The following PCNX2 variants were observed in gnomAD, a reference collection of about 807,000 sequenced individuals.
The protein encoded by PCNX2 is pecanex-like protein 2.
A neutral mutation model predicts 223.8 loss-of-function variants in PCNX2; 168 were observed. That is an observed-to-expected ratio of 0.75 (90% confidence interval 0.66 to 0.85). PCNX2 has a LOEUF of 0.85. Ranked by LOEUF, PCNX2 falls within the 40% of genes least tolerant of loss-of-function variation. The pLI, the probability that PCNX2 is intolerant of heterozygous loss-of-function variation, is 0.00. For missense variants in PCNX2, 2,507 were observed against 2,675.5 expected (o/e 0.94, Z 1.39); for synonymous variants, 1,006 against 1,052.6 (o/e 0.96, Z 0.86).
At chr1:233,121,947 C>T (rs1451641236) in intron 21 of PCNX2, among the ~76,000 whole-genome samples, 2 of 151,908 alleles carry the variant, frequency 1.3e-5, no homozygotes, top group Non-Finnish European at 2.9e-5. Flanking sequence ...CATCTAGTAC[C>T]CAGATCAAAC....
At chr1:233,293,262 T>C (rs1661874770) in intron 1 of PCNX2, among the ~76,000 whole-genome samples, 1 of 152,168 alleles carries the variant, frequency 6.6e-6, no homozygotes, top group Admixed American at 6.5e-5. Flanking sequence ...AGGTGGAAAA[T>C]ATATTGCTTT....
At position 233,119,584 on chromosome 1, in the gene PCNX2, C is replaced by CA. The variant is rs1300600439; in HGVS notation, c.3837+15428dup. Among the ~76,000 whole-genome samples the CA allele has an allele frequency of 7.9e-3, 506 of 63,762 alleles. 3 individuals are homozygous for CA. Among genetic ancestry groups the CA allele is most frequent in the Middle Eastern group, 0.016 (2 of 128 alleles). 41.8% of individuals were successfully genotyped at this position (63,762 alleles called of 152,430 possible). On this transcript the variant is annotated intron_variant, in intron 21 of 33. Coordinates refer to ENST00000258229, the MANE Select transcript of PCNX2 (RefSeq NM_014801.4). ...TGGGTGACAGAACGAGACCTTGTCT[C>CA]AAAAAAAAAAAAACAAAAACAAAAA...
At chr1:233,295,961 T>C, upstream of PCNX2, among the ~76,000 whole-genome samples, 1 of 148,280 alleles carries the variant, frequency 6.7e-6, no homozygotes. The surrounding 1 kb of genome is among the most constrained non-coding windows in gnomAD (Gnocchi z 4.1). Flanking sequence ...TTTCTCTCTC[T>C]CTCTCTCTTT....
At chr1:233,142,775 T>TA (rs2102783164) in intron 19 of PCNX2, among the ~76,000 whole-genome samples, 1 of 152,252 alleles carries the variant, frequency 6.6e-6, no homozygotes, top group East Asian at 1.9e-4. Context: ...CAGTCTCTCT[T>TA]ACTGGACTTT....
chr1:233,249,744 G>A (rs1353420602), intron 8 of PCNX2, among the ~76,000 whole-genome samples: 4 of 152,164 alleles, frequency 2.6e-5, no homozygotes, highest in East Asian at 3.8e-4. Context: ...CATCACCTAC[G>A]GTTCCCATCA....
intron 1 of PCNX2, among the ~76,000 whole-genome samples, chr1:233,294,488 T>C (rs761103314): frequency 3.3e-5 from 5 of 152,122 alleles, no homozygotes; most frequent in African/African-American, 7.2e-5. Context: ...TCATGCAAAC[T>C]CATTGACGAT....
At chr1:233,323,873 T>G in the PCNX2 span, among the ~76,000 whole-genome samples, 263 of 152,366 alleles carry the variant, frequency 1.7e-3, 1 homozygote, top group African/African-American at 5.7e-3. Context: ...TAGAAATGAT[T>G]AAGCTTAGTG....
At chr1:233,104,412 C>CA (rs1674652169) in intron 21 of PCNX2, among the ~76,000 whole-genome samples, 1 of 151,862 alleles carries the variant, frequency 6.6e-6, no homozygotes, top group Non-Finnish European at 1.5e-5. Flanking sequence ...GGCTTTTACT[C>CA]AAAATAGAAT....
chr1:233,318,551 CTTTTTCTTTTTCT>C, the PCNX2 span, among the ~76,000 whole-genome samples: 2 of 116,628 alleles, frequency 1.7e-5, no homozygotes, highest in Admixed American at 1.0e-4. Context: ...CCATCTTTTT[CTTTTTCTTTTTCT>C]TTTTTTTTTT....
chr1:233,099,176 T>C (rs560469990), intron 21 of PCNX2, among the ~76,000 whole-genome samples: 4 of 152,298 alleles, frequency 2.6e-5, no homozygotes, highest in Non-Finnish European at 2.9e-5. Context: ...TCACCCAACT[T>C]TACCATGCCT....
intron 25 of PCNX2, among the ~76,000 whole-genome samples, chr1:233,049,587 A>G (rs1193302243): frequency 6.6e-6 from 1 of 152,194 alleles, no homozygotes; most frequent in Non-Finnish European, 1.5e-5. Flanking sequence ...CCTATTCAAC[A>G]TAGTACTGGA....
At position 233,287,542 on chromosome 1, in the gene PCNX2, C is replaced by T. The variant is rs566342951; in HGVS notation, c.153+7784G>A. 6.6e-4 allele frequency among the ~76,000 whole-genome samples: 101 copies of T among 152,302 alleles called. 1 individual carries two copies. Among genetic ancestry groups the T allele is most frequent in the African/African-American group, 2.2e-3 (93 of 41,556 alleles). On this transcript the variant is annotated intron_variant, in intron 1 of 33. Transcript: ENST00000258229. ...CCTGCACAAGCTCTCTTGTCTACCACCATGTAAGACGTGACTTTGCTCCTC... is the reference window on the plus strand; with the variant it reads ...CCTGCACAAGCTCTCTTGTCTACCATCATGTAAGACGTGACTTTGCTCCTC...
In PCNX2 at chr1:232,991,133, T is replaced by C. The variant is rs558745922; in HGVS notation, c.5792-4593A>G. Among the ~76,000 whole-genome samples, 31 of 152,082 alleles carry C rather than the reference T, an allele frequency of 2.0e-4. No individual in the cohort carries two copies. The South Asian group carries it at 5.2e-3, about 25-fold the overall frequency. On this transcript the variant is annotated intron_variant, in intron 32 of 33. Transcript: ENST00000258229. The surrounding 1 kb of genome is among the most constrained non-coding windows in gnomAD (Gnocchi z 4.3). ...CAAGGCACATGCATCAGGCAGGGAT[T>C]GGAGGGGAGGAGAAAGTGGGGCAGG...
chr1:233,096,790 CAG>C (rs1674197253), intron 21 of PCNX2, among the ~76,000 whole-genome samples: 1 of 152,054 alleles, frequency 6.6e-6, no homozygotes, highest in Admixed American at 6.6e-5. Flanking sequence ...TTATATAAAA[CAG>C]AAGGTCACAA....
rs1572165154 is a variant in PCNX2, at chr1:233,258,949, G to A, written c.913C>T (p.Gln305Ter). Residue 305 changes from glutamine (Q) to a stop codon, truncating the protein, a stop_gained, in exon 5 of 34, where the codon CAG becomes TAG. Transcript: ENST00000258229. LOFTEE classifies it high-confidence loss of function. ...GGGCAGCTGCTGCTCAGGCTGTCCT[G>A]AGGTGACTTGCTTTGTACCCGTTCC... ...IRERVQSKSPQDSLSSSCPQC... is the reference protein window; with the variant it reads ...IRERVQSKSP The A allele has an allele frequency of 6.2e-7, 1 of 1,613,942 alleles. No homozygotes were observed. Among genetic ancestry groups the A allele is most frequent in the South Asian group, 1.1e-5 (1 of 91,076 alleles).
At chr1:232,987,992 TG>T (rs985598192) in intron 32 of PCNX2, among the ~76,000 whole-genome samples, 7 of 152,262 alleles carry the variant, frequency 4.6e-5, no homozygotes, top group African/African-American at 1.7e-4. Flanking sequence ...GCCCCTCGCA[TG>T]GGGCCCACCC....
chr1:233,087,452 T>G (rs1673662210), intron 23 of PCNX2, among the ~76,000 whole-genome samples: 1 of 152,184 alleles, frequency 6.6e-6, no homozygotes, highest in Non-Finnish European at 1.5e-5. Context: ...TGACGTTAAC[T>G]GACTGGTCCT....
intron 1 of PCNX2, among the ~76,000 whole-genome samples, chr1:233,272,212 A>G (rs1660673489): frequency 6.6e-6 from 1 of 152,076 alleles, no homozygotes; most frequent in Non-Finnish European, 1.5e-5. Context: ...GACAACCCAC[A>G]GAATCGGAGA....
Position 233,033,679 on chromosome 1 carries a change from T to C in PCNX2, c.4352-8280A>G, listed in dbSNP as rs146062604. On this transcript the variant is annotated intron_variant, in intron 25 of 33. Coordinates refer to ENST00000258229, the MANE Select transcript of PCNX2 (RefSeq NM_014801.4). The stretch of plus-strand genomic sequence containing the variant: ...TTTCACGGTGCAGGACGCTAGAATA[T>C]GGTTGAAGTGCAATAAAGCAAAAGT... Among the ~76,000 whole-genome samples, 8 of 152,276 alleles carry C rather than the reference T, an allele frequency of 5.3e-5. No individual in the cohort carries two copies. The East Asian group carries it at 1.5e-3, about 29-fold the overall frequency.
Sources: gnomAD v4.1 joint callset for allele counts (sites outside exome capture counted in the v4.1 genomes callset) on GRCh38, gnomAD v4.1.1 for gene constraint, Gnocchi (gnomAD v3.1) non-coding constraint, MANE v1.5 for transcripts, NCBI Gene and HGNC (gene_info 2026-07-23, HGNC 2026-07-21) for gene names.